CAMK2B: variants seen among roughly 807,000 people sequenced by gnomAD.
The protein encoded by CAMK2B is calcium/calmodulin-dependent protein kinase type II subunit beta.
CAMK2B carries 27 observed loss-of-function variants against 93.7 expected under a neutral mutation model. The ratio of observed to expected loss-of-function variants is 0.29; its 90% CI spans 0.21 to 0.40. CAMK2B has a LOEUF of 0.40. CAMK2B is among the 10% of genes least tolerant of loss of function. CAMK2B has a pLI of 1.00. For synonymous variants in CAMK2B, 374 were observed against 358.8 expected, an observed-to-expected ratio of 1.04 and a Z score of -0.48; for missense variants, 568 against 895.8, an observed-to-expected ratio of 0.63 and a Z score of 4.67.
At chr7:44,220,492 G>A (rs2096386785) in intron 22 of CAMK2B, 124 bp downstream of exon 22, 3 of 939,646 alleles carry the variant, frequency 3.2e-6, no homozygotes, top group Non-Finnish European at 4.8e-6. Context: ...AGAGGTGGCT[G>A]GCCAACCCTG....
chr7:44,310,294 T>C (rs144210617), intron 1 of CAMK2B, among the ~76,000 whole-genome samples: 1 of 152,316 alleles, frequency 6.6e-6, no homozygotes, highest in African/African-American at 2.4e-5. Flanking sequence ...GTGGGAGAGA[T>C]GAGCTTTGGG....
intron 2 of CAMK2B, chr7:44,266,889 C>T (rs1480595551): frequency 6.6e-6 from 1 of 152,266 alleles, no homozygotes; most frequent in African/African-American, 2.4e-5. Context: ...GACAAAGAAA[C>T]CCCAAGAACC....
At chr7:44,287,044 C>A (rs1411111734) in intron 1 of CAMK2B, among the ~76,000 whole-genome samples, 1 of 152,080 alleles carries the variant, frequency 6.6e-6, no homozygotes, top group African/African-American at 2.4e-5. Flanking sequence ...TGGAGGGCAC[C>A]CTCAAGAATA....
chr7:44,253,901 G>GTTT lies in CAMK2B; in HGVS notation c.341+638_341+640dup, dbSNP rs58844378. On this transcript the variant is annotated intron_variant, in intron 5 of 23. Coordinates refer to ENST00000395749, the MANE Select transcript of CAMK2B (RefSeq NM_001220.5). ...GTGTGAGCTACCATGCCTGGCCTCA[G>GTTT]TTTTTTTTTTTTTTTTTTTTAAATA... 6.2e-3 allele frequency among the ~76,000 whole-genome samples: 870 copies of GTTT among 139,744 alleles called. 7 individuals are homozygous for GTTT. The highest frequency in any genetic ancestry group is 0.021 in the African/African-American group (804 of 37,810). 91.7% of individuals were successfully genotyped at this position (139,744 alleles called of 152,430 possible). A position where few individuals can be genotyped will look rare whatever the true frequency, so the allele number is the denominator to read the frequency against.
At chr7:44,223,057 A>G (rs2096431782) in intron 20 of CAMK2B, among the ~76,000 whole-genome samples, 1 of 152,234 alleles carries the variant, frequency 6.6e-6, no homozygotes, top group Non-Finnish European at 1.5e-5. Flanking sequence ...GTGATTGTGC[A>G]TTCATGTGCA....
chr7:44,310,076 G>T (rs75461969), intron 1 of CAMK2B, among the ~76,000 whole-genome samples: 13,484 of 152,332 alleles, frequency 0.089, 815 homozygotes, highest in Non-Finnish European at 0.12. Context: ...AGACCGGGCG[G>T]GGGCGGGGGC....
chr7:44,229,635 G>T, intron 17 of CAMK2B, 134 bp from the exon 18 acceptor site: 1 of 272,804 alleles, frequency 3.7e-6, no homozygotes, highest in Non-Finnish European at 6.0e-6. Context: ...TGGGGTGGAG[G>T]TGGGGTGGCC....
intron 1 of CAMK2B, among the ~76,000 whole-genome samples, chr7:44,293,729 T>A (rs557280002): frequency 1.3e-5 from 2 of 152,318 alleles, no homozygotes; most frequent in Admixed American, 1.3e-4. Flanking sequence ...CCTCCGCTGA[T>A]CTGACAGGAG....
chr7:44,296,917 A>G (rs1004665807), intron 1 of CAMK2B, among the ~76,000 whole-genome samples: 1 of 152,216 alleles, frequency 6.6e-6, no homozygotes, highest in Non-Finnish European at 1.5e-5. Context: ...TGTTAAAAGA[A>G]ATTATTCAGA....
intron 5 of CAMK2B, among the ~76,000 whole-genome samples, chr7:44,250,036 T>C (rs1441569026): frequency 6.6e-6 from 1 of 152,176 alleles, no homozygotes; most frequent in Non-Finnish European, 1.5e-5. Context: ...GTCCGCCCCA[T>C]CCATTGTCAC....
At chr7:44,280,399 C>T (rs559934342) in intron 2 of CAMK2B, among the ~76,000 whole-genome samples, 5 of 152,240 alleles carry the variant, frequency 3.3e-5, no homozygotes, top group African/African-American at 9.6e-5. Context: ...CTACCTCACA[C>T]GTATGGCCCT....
intron 1 of CAMK2B, among the ~76,000 whole-genome samples, chr7:44,323,185 A>T (rs1272746942): frequency 2.0e-5 from 3 of 152,044 alleles, no homozygotes; most frequent in African/African-American, 7.2e-5. Context: ...GTCGCCAGGG[A>T]CCCGGCGCCT....
chr7:44,229,095 G>C, intron 18 of CAMK2B, 171 bp from the exon 19 acceptor site: 1 of 714,928 alleles, frequency 1.4e-6, no homozygotes, highest in South Asian at 1.6e-5. Context: ...CCCGCAAGCT[G>C]AGGTGGAGTG....
chr7:44,221,302 C>T (rs753000437), intron 20 of CAMK2B, among the ~76,000 whole-genome samples: 3 of 152,208 alleles, frequency 2.0e-5, no homozygotes, highest in Middle Eastern at 3.2e-3. Context: ...CCTGGCCCTG[C>T]GCTTCCCTGC....
chr7:44,279,371 G>A (rs1198720324), intron 2 of CAMK2B, among the ~76,000 whole-genome samples: 6 of 152,258 alleles, frequency 3.9e-5, no homozygotes, highest in Admixed American at 3.9e-4. Context: ...GGGTGAGGCT[G>A]TGCAGCCCTG....
intron 1 of CAMK2B, among the ~76,000 whole-genome samples, chr7:44,307,679 C>G (rs746920245): frequency 6.6e-6 from 1 of 152,044 alleles, no homozygotes; most frequent in East Asian, 1.9e-4. Context: ...TCATGAGATG[C>G]GCTTAGCCAG....
At chr7:44,252,738 A>G (rs1945070215) in intron 5 of CAMK2B, among the ~76,000 whole-genome samples, 1 of 152,184 alleles carries the variant, frequency 6.6e-6, no homozygotes, top group Admixed American at 6.5e-5. Flanking sequence ...GGGACCCTCG[A>G]GTCCACCTGG....
intron 2 of CAMK2B, among the ~76,000 whole-genome samples, chr7:44,265,250 A>G (rs1009901249): frequency 2.6e-5 from 4 of 152,238 alleles, no homozygotes; most frequent in Non-Finnish European, 5.9e-5. Flanking sequence ...GGTGCGTCTC[A>G]TAAGGAGAGG....
chr7:44,240,957 C>T (rs2096672339), intron 11 of CAMK2B, among the ~76,000 whole-genome samples: 1 of 152,194 alleles, frequency 6.6e-6, no homozygotes, highest in South Asian at 2.1e-4. Flanking sequence ...TACACACACC[C>T]TGGGCCTAAA....
Sources: gnomAD v4.1 joint callset for allele counts (sites outside exome capture counted in the v4.1 genomes callset) on GRCh38, gnomAD v4.1.1 for gene constraint, MANE v1.5 for transcripts, NCBI Gene and HGNC (gene_info 2026-07-23, HGNC 2026-07-21) for gene names.